SMAD6: variants seen among roughly 807,000 people sequenced by gnomAD.
SMAD6 encodes the protein MAD homolog 6.
In SMAD6, 103 loss-of-function variants were observed where a neutral mutation model predicts 39.4. That is an observed-to-expected ratio of 2.62 (90% CI 2.23 to 3.08). The LOEUF (loss-of-function observed/expected upper bound fraction) is 3.08, where lower values mean the gene tolerates loss of function less well. Among genes scored for constraint, SMAD6 ranks in the 30% most tolerant of loss-of-function variants. The pLI is 0.00. For synonymous variants in SMAD6, 445 were observed against 353.3 expected, an observed-to-expected ratio of 1.26 and a Z score of -2.91; for missense variants, 1,104 against 742.9, an observed-to-expected ratio of 1.49 and a Z score of -5.65.
chr15:66,735,564 G>C (rs1427468543), intron 3 of SMAD6, among the ~76,000 whole-genome samples: 1 of 152,216 alleles, frequency 6.6e-6, no homozygotes, highest in Admixed American at 6.5e-5. Context: ...CCTGAGATGG[G>C]ATTCAGATGC....
chr15:66,744,846 C>T (rs1027132469), intron 3 of SMAD6, among the ~76,000 whole-genome samples: 8 of 152,182 alleles, frequency 5.3e-5, no homozygotes, highest in Non-Finnish European at 1.2e-4. Flanking sequence ...GGGCTGATTT[C>T]CTGTCCCCAG....
At chr15:66,732,025 CCT>C (rs2140626292) in intron 3 of SMAD6, among the ~76,000 whole-genome samples, 1 of 149,210 alleles carries the variant, frequency 6.7e-6, no homozygotes, top group Admixed American at 6.7e-5. Context: ...CTCACTGTAA[CCT>C]CTGCCTCCCG....
intron 3 of SMAD6, among the ~76,000 whole-genome samples, chr15:66,744,710 T>C (rs1456906964): frequency 1.3e-5 from 2 of 152,192 alleles, no homozygotes; most frequent in Admixed American, 6.5e-5. Flanking sequence ...GTGGGACCAA[T>C]GAATCCAAGA....
chr15:66,724,399 A>T (rs1026870145), intron 3 of SMAD6, among the ~76,000 whole-genome samples: 14 of 152,310 alleles, frequency 9.2e-5, no homozygotes, highest in African/African-American at 3.4e-4. Flanking sequence ...TTTAATGATC[A>T]CAGCTAACAC....
chr15:66,713,603 C>T (rs1893273384), intron 2 of SMAD6, among the ~76,000 whole-genome samples: 1 of 152,362 alleles, frequency 6.6e-6, no homozygotes. Flanking sequence ...CAGGCGTGAG[C>T]CACTGCGCCT....
chr15:66,764,733 A>C (rs1894259975), intron 3 of SMAD6, among the ~76,000 whole-genome samples: 1 of 152,144 alleles, frequency 6.6e-6, no homozygotes, highest in South Asian at 2.1e-4. Context: ...TTTACCACGT[A>C]AGTGTTCGTC....
chr15:66,777,612 C>T (rs974078377), intron 3 of SMAD6, among the ~76,000 whole-genome samples: 2 of 152,140 alleles, frequency 1.3e-5, no homozygotes, highest in African/African-American at 4.8e-5. Context: ...GGAGACCCAC[C>T]CCTCCCCTTA....
At position 66,703,769 on chromosome 15, in the gene SMAD6, G is replaced by T. The variant is rs1893037722; in HGVS notation, c.511G>T (p.Glu171Ter). The change falls in exon 1 of 4, where the codon GAA (glutamate) becomes TAA (stop). Residue 171 changes from glutamate to a stop codon, truncating the protein, a stop_gained. Transcript: ENST00000288840. LOFTEE classifies it high-confidence loss of function. The stretch of plus-strand genomic sequence containing the variant: ...CTCGCGGCTGCTGCTGCTGGAGCAG[G>T]AACTCAAAACCGTCACGTACTCGCT... ...ARSRLLLLEQELKTVTYSLLK... is the reference protein window; with the variant it reads ...ARSRLLLLEQ 2 of 1,423,700 alleles carry T rather than the reference G, an allele frequency of 1.4e-6. No individual in the cohort carries two copies. The highest frequency in any genetic ancestry group is 1.9e-6 in the Non-Finnish European group (2 of 1,077,116). The allele number at this position is 1,423,700 out of a possible 1,614,324, so 88.2% of individuals were successfully genotyped here.
In SMAD6 at chr15:66,704,095, C is replaced by T; in HGVS notation, c.817+20C>T. On this transcript the variant is annotated intron_variant, in intron 1 of 3. Coordinates refer to ENST00000288840, the MANE Select transcript of SMAD6 (RefSeq NM_005585.5). Reference sequence around the variant, plus strand: ...GGCCCGGTGAGCGCGCTGCGCCGGCCGGGGGGGCCCCGGGTCCCCGTCCCC... The same window carrying T: ...GGCCCGGTGAGCGCGCTGCGCCGGCTGGGGGGGCCCCGGGTCCCCGTCCCC... The T allele has an allele frequency of 7.0e-7, 1 of 1,428,470 alleles. No homozygotes were observed. The highest frequency in any genetic ancestry group is 9.1e-7 in the Non-Finnish European group (1 of 1,098,342). 88.5% of individuals were successfully genotyped at this position (1,428,470 alleles called of 1,614,324 possible). A position where few individuals can be genotyped will look rare whatever the true frequency, so the allele number is the denominator to read the frequency against.
intron 3 of SMAD6, among the ~76,000 whole-genome samples, chr15:66,765,748 A>G (rs908196625): frequency 6.6e-6 from 1 of 152,154 alleles, no homozygotes; most frequent in East Asian, 1.9e-4. Flanking sequence ...GTGCTATGGG[A>G]TAGAGTTGGG....
intron 3 of SMAD6, among the ~76,000 whole-genome samples, chr15:66,728,717 T>C (rs1418560062): frequency 6.6e-6 from 1 of 152,176 alleles, no homozygotes; most frequent in African/African-American, 2.4e-5. Flanking sequence ...ATCCATATTG[T>C]TGTTGTGTAT....
intron 2 of SMAD6, among the ~76,000 whole-genome samples, chr15:66,715,106 T>C (rs1262989048): frequency 6.6e-6 from 1 of 151,576 alleles, no homozygotes; most frequent in Non-Finnish European, 1.5e-5. Context: ...AGCAGATAAC[T>C]TTTTCATTCC....
intron 2 of SMAD6, among the ~76,000 whole-genome samples, chr15:66,715,802 G>A (rs567515540): frequency 6.6e-6 from 1 of 150,388 alleles, no homozygotes; most frequent in South Asian, 2.1e-4. Flanking sequence ...AAAAAAAACA[G>A]TCCAGGCATT....
intron 3 of SMAD6, among the ~76,000 whole-genome samples, chr15:66,775,524 G>A (rs956195684): frequency 3.9e-5 from 6 of 152,086 alleles, no homozygotes; most frequent in African/African-American, 1.2e-4. Flanking sequence ...CCAGAGGAGG[G>A]AGATGACCTG....
intron 3 of SMAD6, among the ~76,000 whole-genome samples, chr15:66,731,183 T>A (rs959307647): frequency 6.6e-6 from 1 of 152,014 alleles, no homozygotes; most frequent in Non-Finnish European, 1.5e-5. Flanking sequence ...TCATGCCTGT[T>A]ATCCCAGCAC....
intron 2 of SMAD6, among the ~76,000 whole-genome samples, chr15:66,714,894 C>T (rs1237859970): frequency 6.6e-6 from 1 of 152,136 alleles, no homozygotes; most frequent in African/African-American, 2.4e-5. Flanking sequence ...AGGCAGTTCA[C>T]TAAGAAATAG....
At position 66,703,451 on chromosome 15, in the gene SMAD6, C is replaced by A. The variant is rs1476099931; in HGVS notation, c.193C>A (p.Pro65Thr). The A allele has an allele frequency of 5.5e-6, 7 of 1,273,532 alleles. No homozygotes were observed. Among genetic ancestry groups the A allele is most frequent in the Non-Finnish European group, 2.0e-6 (2 of 1,006,518 alleles). The allele number at this position is 1,273,532 out of a possible 1,614,324, so 78.9% of individuals were successfully genotyped here. ...CGRSEVRPVA[P>T]RRPRDAVGQR... ...CCGCTCCGAAGTCCGCCCGGTAGCC[C>A]CGCGGCGGCCCCGGGACGCAGTGGG... Residue 65 changes from proline (P) to threonine (T), a missense_variant, in exon 1 of 4, where the codon CCG becomes ACG. Pro to Thr is a conservative substitution (Grantham distance 38). Coordinates refer to ENST00000288840, the MANE Select transcript of SMAD6 (RefSeq NM_005585.5).
At chr15:66,712,252 C>T (rs1487180501) in intron 2 of SMAD6, among the ~76,000 whole-genome samples, 5 of 152,166 alleles carry the variant, frequency 3.3e-5, no homozygotes, top group Admixed American at 1.3e-4. Flanking sequence ...GTACACAAAG[C>T]CCCTGGCATG....
At chr15:66,761,961 T>C (rs1351556066) in intron 3 of SMAD6, among the ~76,000 whole-genome samples, 2 of 152,134 alleles carry the variant, frequency 1.3e-5, no homozygotes, top group East Asian at 3.9e-4. Context: ...CCATTTTGAA[T>C]TGGGAGCAAG....
Sources: allele counts gnomAD v4.1 joint callset (sites outside exome capture counted in the v4.1 genomes callset), GRCh38; gene constraint gnomAD v4.1.1; transcripts MANE v1.5; gene names NCBI Gene and HGNC (gene_info 2026-07-23, HGNC 2026-07-21).